HGS: variants seen among roughly 807,000 people sequenced by gnomAD.
The protein encoded by HGS is human growth factor-regulated tyrosine kinase substrate.
Under a neutral mutation model 109.7 loss-of-function variants are expected in HGS, and 63 were observed. That is an observed-to-expected ratio of 0.57 (90% CI 0.47 to 0.71). HGS has a LOEUF of 0.71. Ranked by LOEUF, HGS falls within the 30% of genes least tolerant of loss-of-function variation. HGS has a pLI of 0.00. For synonymous variants in HGS, 546 were observed against 437.3 expected (o/e 1.25, Z -3.10); for missense variants, 995 against 1,068.3 (o/e 0.93, Z 0.96).
Position 81,696,806 on chromosome 17 carries a change from T to C in HGS, c.1708-18T>C, listed in dbSNP as rs764842210. On this transcript the variant is annotated intron_variant, in intron 17 of 21. Coordinates refer to ENST00000329138, the MANE Select transcript of HGS (RefSeq NM_004712.5). ...TGGGCTGAGGACCAACTCTCACCGCTGTCTCTTTTGTCCCCAGCTCCAGGC... is the reference window on the plus strand; with the variant it reads ...TGGGCTGAGGACCAACTCTCACCGCCGTCTCTTTTGTCCCCAGCTCCAGGC... 13 of 1,603,454 alleles carry C rather than the reference T, an allele frequency of 8.1e-6. No individual in the cohort carries two copies. Among genetic ancestry groups the C allele is most frequent in the Non-Finnish European group, 8.5e-6 (10 of 1,173,238 alleles).
chr17:81,698,757 G>A (rs777086631), intron 18 of HGS, among the ~76,000 whole-genome samples: 2 of 152,142 alleles, frequency 1.3e-5, no homozygotes, highest in Non-Finnish European at 2.9e-5. Context: ...GAATACATGC[G>A]TCTTTGTATA....
At position 81,701,578 on chromosome 17, in the gene HGS, C is replaced by G; in HGVS notation, c.2294C>G (p.Pro765Arg). Residue 765 changes from proline (P) to arginine (R), a missense_variant, in exon 22 of 22, where the codon CCG (proline) becomes CGG (arginine). Physicochemically the swap from Pro to Arg is moderately radical, Grantham distance 103. Coordinates refer to ENST00000329138, the MANE Select transcript of HGS (RefSeq NM_004712.5). Reference protein sequence around the residue: ...VAQQPQAQGPPAQGSEAQLIS... With the variant: ...VAQQPQAQGPRAQGSEAQLIS... ...CAGCAACCGCAGGCACAGGGGCCGC[C>G]GGCACAGGGCAGCGAGGCCCAGCTC... 6.4e-7 allele frequency: 1 copy of G among 1,570,740 alleles called. No individual in the cohort carries two copies. Among genetic ancestry groups the G allele is most frequent in the Non-Finnish European group, 8.6e-7 (1 of 1,165,426 alleles).
At chr17:81,694,281 C>T (rs927767365) in intron 11 of HGS, among the ~76,000 whole-genome samples, 1 of 152,324 alleles carries the variant, frequency 6.6e-6, no homozygotes, top group South Asian at 2.1e-4. Context: ...CTTTCTGGGG[C>T]ATCCACGTCA....
chr17:81,694,026 C>T (rs535876597), intron 11 of HGS, 61 bp downstream of exon 11: 11 of 1,430,520 alleles, frequency 7.7e-6, no homozygotes, highest in African/African-American at 4.3e-5. Flanking sequence ...ATGGGGGACG[C>T]GGGTCCCTGA....
chr17:81,687,780 C>T (rs1236165105), intron 4 of HGS, among the ~76,000 whole-genome samples: 2 of 152,042 alleles, frequency 1.3e-5, no homozygotes, highest in East Asian at 3.9e-4. Context: ...TCTGTCCCAA[C>T]CTGTGGGCCA....
At position 81,694,931 on chromosome 17, in the gene HGS, G is replaced by A. The variant is rs1347251256; in HGVS notation, c.983G>A (p.Arg328Gln). The change falls in exon 13 of 22, where the codon CGG becomes CAG. Residue 328 changes from arginine to glutamine, a missense_variant. Transcript: ENST00000329138. ...CCCCCTCATTGCCTGCAGCTCGCAC[G>A]GTATCTCAACCGGAACTACTGGGAG... ...LAEDIDPELA[R>Q]YLNRNYWEKK... The A allele has an allele frequency of 3.7e-6, 6 of 1,614,066 alleles. No individual in the cohort carries two copies. Among genetic ancestry groups the A allele is most frequent in the Admixed American group, 3.3e-5 (2 of 60,008 alleles).
rs371006044 is a variant in HGS at position 81,696,856 on chromosome 17, C to G, written c.1740C>G (p.Leu580=). Residue 580 remains leucine (L), a synonymous_variant, in exon 18 of 22, where the codon CTC becomes CTG. Transcript: ENST00000329138. The part of the protein sequence containing the change: ...LQAMPAAGGV[L]YQPSGPASFP... Reference sequence around the variant, plus strand: ...CCATGCCCGCAGCCGGAGGTGTGCTCTACCAGCCCTCGGGACCAGCCAGCT... The same window carrying G: ...CCATGCCCGCAGCCGGAGGTGTGCTGTACCAGCCCTCGGGACCAGCCAGCT... 1 of 1,611,044 alleles carries G rather than the reference C, an allele frequency of 6.2e-7. No homozygotes were observed. Among genetic ancestry groups the G allele is most frequent in the African/African-American group, 1.3e-5 (1 of 74,918 alleles).
intron 4 of HGS, 139 bp downstream of exon 4, chr17:81,687,234 G>A (rs1362562283): frequency 3.0e-5 from 20 of 658,098 alleles, no homozygotes; most frequent in South Asian, 2.8e-4. Flanking sequence ...CCTGCACTGC[G>A]CAAGCTCGCA....
Position 81,696,438 on chromosome 17 carries a change from G to T in HGS, c.1475G>T (p.Arg492Leu). 1 of 1,561,700 alleles carries T rather than the reference G, an allele frequency of 6.4e-7. No homozygotes were observed. Among genetic ancestry groups the T allele is most frequent in the Non-Finnish European group, 8.6e-7 (1 of 1,156,568 alleles). Residue 492 changes from arginine (R) to leucine (L), a missense_variant, in exon 16 of 22, where the codon CGG becomes CTG. By Grantham distance (102) the Arg-to-Leu change is moderately radical. This residue lies in a region of HGS where 163 missense variants were observed against 217.8 expected (regional missense o/e 0.75). Transcript: ENST00000329138. ...CTGAGTGCCCTGCGCGAAGAGCACC[G>T]GGAGAAGCTTCGCCGGGCAGCCGAG... ...GALSALREEH[R>L]EKLRRAAEEA...
chr17:81,685,295 C>G (rs1219397786), intron 1 of HGS, among the ~76,000 whole-genome samples: 1 of 152,216 alleles, frequency 6.6e-6, no homozygotes, highest in East Asian at 1.9e-4. Context: ...GAATCAGCCT[C>G]TGTCTCTGGT....
intron 5 of HGS, 141 bp from the exon 6 acceptor site, chr17:81,690,041 A>G: frequency 1.3e-6 from 1 of 782,554 alleles, no homozygotes; most frequent in Non-Finnish European, 2.0e-6. Context: ...TGGGGGCAGG[A>G]GGCTGTCTCG....
At chr17:81,700,137 C>T (rs572022173) in intron 18 of HGS, among the ~76,000 whole-genome samples, 24 of 151,954 alleles carry the variant, frequency 1.6e-4, no homozygotes, top group South Asian at 8.3e-4. Flanking sequence ...GAGGCCGAGG[C>T]GGGCGGATCA....
chr17:81,684,156 C>G, intron 1 of HGS, 53 bp downstream of exon 1: 4 of 1,416,498 alleles, frequency 2.8e-6, no homozygotes, highest in African/African-American at 1.5e-5. Context: ...AGCCTCCGCC[C>G]GGCGCTGAGT....
intron 6 of HGS, 27 bp downstream of exon 6, chr17:81,690,261 C>G: frequency 6.2e-7 from 1 of 1,612,410 alleles, no homozygotes; most frequent in Non-Finnish European, 8.5e-7. Context: ...GCCAGGGGTT[C>G]TGGAGTCGGG....
intron 18 of HGS, chr17:81,697,397 T>C (rs1235220296): frequency 1.4e-5 from 2 of 144,756 alleles, no homozygotes; most frequent in African/African-American, 5.5e-5. Flanking sequence ...AGTCAGCTTC[T>C]GTGTTTTGTG....
intron 18 of HGS, chr17:81,697,856 T>G (rs1230990046): frequency 1.3e-5 from 2 of 152,170 alleles, no homozygotes; most frequent in African/African-American, 4.8e-5. Context: ...TCATCACTCT[T>G]TATTTTTAGA....
chr17:81,690,328 G>T (rs1219236705), intron 6 of HGS, 94 bp downstream of exon 6: 66 of 1,306,308 alleles, frequency 5.1e-5, no homozygotes, highest in Non-Finnish European at 6.5e-5. Flanking sequence ...AGGGTTGGTG[G>T]CTGAGCTCTC....
At chr17:81,686,553 G>A (rs986654426) in intron 3 of HGS, among the ~76,000 whole-genome samples, 166 bp downstream of exon 3, 1 of 152,182 alleles carries the variant, frequency 6.6e-6, no homozygotes, top group Non-Finnish European at 1.5e-5. Context: ...TGCCACCTAG[G>A]AGAGGGTCAC....
intron 6 of HGS, 152 bp downstream of exon 6, chr17:81,690,386 G>A: frequency 1.2e-6 from 1 of 819,316 alleles, no homozygotes; most frequent in South Asian, 1.6e-5. Context: ...CGGAGGCGTA[G>A]CAGCTGTCTC....
Sources: gnomAD v4.1 joint callset for allele counts (sites outside exome capture counted in the v4.1 genomes callset) on GRCh38, gnomAD v4.1.1 for gene constraint, gnomAD v4.1.1 regional missense constraint, MANE v1.5 for transcripts, NCBI Gene and HGNC (gene_info 2026-07-23, HGNC 2026-07-21) for gene names.